The following PDGFD variants were observed in gnomAD, a reference collection of about 807,000 sequenced individuals.
PDGFD encodes the protein platelet derived growth factor D.
Under a neutral mutation model 44.7 loss-of-function variants are expected in PDGFD, and 30 were observed. The observed-to-expected ratio is 0.67, with a 90% confidence interval of 0.50 to 0.91. The LOEUF (loss-of-function observed/expected upper bound fraction) is 0.91. Among genes scored for constraint, PDGFD ranks in the 40% least tolerant of loss-of-function variants. The pLI is 0.00. For missense variants in PDGFD, 445 were observed against 457.8 expected, an observed-to-expected ratio of 0.97 and a Z score of 0.25; for synonymous variants, 173 against 168.4, an observed-to-expected ratio of 1.03 and a Z score of -0.21.
At position 103,947,731 on chromosome 11, in the gene PDGFD, G is replaced by A; in HGVS notation, c.511-7C>T. Reference sequence around the variant, plus strand: ...CTGCGGGTTGGAAATCTTCCTGGAAGGCAAAGAAACATCTGTGAGTCAGTC... The same window carrying A: ...CTGCGGGTTGGAAATCTTCCTGGAAAGCAAAGAAACATCTGTGAGTCAGTC... On this transcript the variant is annotated splice_region_variant and splice_polypyrimidine_tract_variant and intron_variant, in intron 3 of 6. Coordinates refer to ENST00000393158, the MANE Select transcript of PDGFD (RefSeq NM_025208.5). 1.2e-6 allele frequency: 2 copies of A among 1,611,322 alleles called. No homozygotes were observed. The highest frequency in any genetic ancestry group is 1.7e-6 in the Non-Finnish European group (2 of 1,177,620).
chr11:104,098,335 G>C (rs548591391), intron 1 of PDGFD, among the ~76,000 whole-genome samples: 45 of 152,214 alleles, frequency 3.0e-4, no homozygotes, highest in African/African-American at 1.1e-3. Flanking sequence ...TTCCAGAATA[G>C]ATGAAAGCAA....
At chr11:103,948,618 C>T (rs926314727) in intron 3 of PDGFD, among the ~76,000 whole-genome samples, 2 of 152,086 alleles carry the variant, frequency 1.3e-5, no homozygotes, top group East Asian at 1.9e-4. Context: ...CCAGCCTTAC[C>T]GAGGAGTGGG....
chr11:104,163,766 A>AT lies in PDGFD; in HGVS notation c.124+37dup, dbSNP rs557141512. ...AAGAACAATAACAATAGCAAACATG[A>AT]TTTTTTTTTCAGTTAAAAAATAAAA... On this transcript the variant is annotated intron_variant, in intron 1 of 6. Transcript: ENST00000393158. 1.6e-3 allele frequency: 2,333 copies of AT among 1,484,740 alleles called. 6 individuals are homozygous for AT. Among genetic ancestry groups the AT allele is most frequent in the African/African-American group, 0.015 (1,059 of 71,350 alleles). The allele number at this position is 1,484,740 out of a possible 1,614,324, so 92.0% of individuals were successfully genotyped here.
At chr11:104,125,490 T>A (rs988937160) in intron 1 of PDGFD, among the ~76,000 whole-genome samples, 1 of 152,112 alleles carries the variant, frequency 6.6e-6, no homozygotes, top group Non-Finnish European at 1.5e-5. Flanking sequence ...AAAATGCTTG[T>A]GAGAGATTTC....
intron 3 of PDGFD, among the ~76,000 whole-genome samples, chr11:103,971,040 T>C (rs550729579): frequency 3.9e-5 from 6 of 152,312 alleles, no homozygotes; most frequent in African/African-American, 1.4e-4. Flanking sequence ...TTTCCACTTC[T>C]GCTTTTAGGA....
intron 3 of PDGFD, among the ~76,000 whole-genome samples, chr11:103,970,763 A>G (rs1859091510): frequency 6.6e-6 from 1 of 152,142 alleles, no homozygotes; most frequent in Non-Finnish European, 1.5e-5. Context: ...GAAGGGAAAG[A>G]ATTGTTTATG....
intron 1 of PDGFD, among the ~76,000 whole-genome samples, chr11:104,112,775 G>A (rs559728601): frequency 1.1e-4 from 16 of 152,104 alleles, no homozygotes; most frequent in Non-Finnish European, 1.9e-4. Flanking sequence ...ACAGGAACAG[G>A]AAAACAAATA....
chr11:104,013,801 T>C (rs574366098), intron 1 of PDGFD, among the ~76,000 whole-genome samples: 2 of 151,946 alleles, frequency 1.3e-5, no homozygotes, highest in South Asian at 4.2e-4. Flanking sequence ...TTATAAATCA[T>C]TGCAATTGTG....
At chr11:104,146,774 T>C (rs1862168902) in intron 1 of PDGFD, among the ~76,000 whole-genome samples, 1 of 152,036 alleles carries the variant, frequency 6.6e-6, no homozygotes. Flanking sequence ...ATTCAATCAT[T>C]CTGCAAATAT....
intron 5 of PDGFD, among the ~76,000 whole-genome samples, chr11:103,933,272 T>A (rs78265207): frequency 0.026 from 3,889 of 152,300 alleles, 173 homozygotes; most frequent in African/African-American, 0.089. Flanking sequence ...TCAAGGTTCA[T>A]AAGTTCACCA....
chr11:103,985,352 A>G (rs759908092), intron 3 of PDGFD, among the ~76,000 whole-genome samples: 7 of 150,892 alleles, frequency 4.6e-5, no homozygotes, highest in African/African-American at 7.4e-5. Flanking sequence ...GGCGTGCACC[A>G]CCATGCCTAA....
At chr11:103,986,341 CAG>C (rs34126658) in intron 3 of PDGFD, among the ~76,000 whole-genome samples, 1 of 152,144 alleles carries the variant, frequency 6.6e-6, no homozygotes, top group Non-Finnish European at 1.5e-5. Flanking sequence ...AAGAGTAGAA[CAG>C]AGTTCCAAAG....
At chr11:103,939,550 C>A (rs7938997) in intron 5 of PDGFD, among the ~76,000 whole-genome samples, 1 of 151,740 alleles carries the variant, frequency 6.6e-6, no homozygotes, top group East Asian at 1.9e-4. Context: ...CCTTTATTTC[C>A]TTCTCCTGCC....
At chr11:104,121,537 C>T (rs190664221) in intron 1 of PDGFD, among the ~76,000 whole-genome samples, 13 of 151,866 alleles carry the variant, frequency 8.6e-5, no homozygotes, top group African/African-American at 2.9e-4. Context: ...TTTTGTGGAA[C>T]ATAGTAAAAA....
intron 1 of PDGFD, among the ~76,000 whole-genome samples, chr11:104,114,312 T>C (rs1041920783): frequency 6.7e-6 from 1 of 150,260 alleles, no homozygotes; most frequent in Non-Finnish European, 1.5e-5. Context: ...TTTTTCTGCA[T>C]GTGGATGCCT....
chr11:103,939,394 T>C (rs1038344180), intron 5 of PDGFD, among the ~76,000 whole-genome samples: 2 of 152,110 alleles, frequency 1.3e-5, no homozygotes, highest in Non-Finnish European at 2.9e-5. Context: ...GTGATTTTTG[T>C]ACATTGATTT....
At chr11:104,090,557 A>G (rs1410406710) in intron 1 of PDGFD, among the ~76,000 whole-genome samples, 1 of 151,124 alleles carries the variant, frequency 6.6e-6, no homozygotes, top group Non-Finnish European at 1.5e-5. Context: ...TGTACCCAGG[A>G]GGTGGAGGTT....
chr11:104,148,217 G>T (rs1862190663), intron 1 of PDGFD, among the ~76,000 whole-genome samples: 1 of 152,102 alleles, frequency 6.6e-6, no homozygotes, highest in Non-Finnish European at 1.5e-5. Context: ...CATAAAACTT[G>T]CCCATGCTGA....
chr11:104,121,047 G>C (rs868383126), intron 1 of PDGFD, among the ~76,000 whole-genome samples: 4 of 151,972 alleles, frequency 2.6e-5, no homozygotes, highest in Non-Finnish European at 4.4e-5. Context: ...AGAAGTAAAT[G>C]ATTTCCTATT....
Sources: gnomAD v4.1 joint callset for allele counts (sites outside exome capture counted in the v4.1 genomes callset) on GRCh38, gnomAD v4.1.1 for gene constraint, MANE v1.5 for transcripts, NCBI Gene and HGNC (gene_info 2026-07-23, HGNC 2026-07-21) for gene names.